Variants in ADGRV1 observed in about 807,000 individuals in gnomAD.
ADGRV1 encodes adhesion G protein-coupled receptor V1.
Under a neutral mutation model 596.2 loss-of-function variants are expected in ADGRV1, and 359 were observed. The observed-to-expected ratio is 0.60, with a 90% CI of 0.55 to 0.66. ADGRV1 has a LOEUF of 0.66. Ranked by LOEUF, ADGRV1 falls within the 30% of genes least tolerant of loss-of-function variation. The probability of loss-of-function intolerance (pLI) is 0.00; values close to 1 mark genes in which losing one functional copy is unlikely to be tolerated. For missense variants in ADGRV1, 7,274 were observed against 7,575.6 expected (o/e 0.96, Z 1.48); for synonymous variants, 2,681 against 2,679.2 (o/e 1.00, Z -0.02).
chr5:90,623,712 C>G (rs1240783830), intron 5 of ADGRV1, among the ~76,000 whole-genome samples: 1 of 152,144 alleles, frequency 6.6e-6, no homozygotes, highest in East Asian at 1.9e-4. Flanking sequence ...CATGCCTTCC[C>G]CCTGCCCCCC....
chr5:90,943,488 C>A (rs1269059051), intron 83 of ADGRV1, among the ~76,000 whole-genome samples: 2 of 152,138 alleles, frequency 1.3e-5, no homozygotes, highest in Non-Finnish European at 2.9e-5. Flanking sequence ...TGACCCTCAC[C>A]TTCTTGTCCT....
At chr5:91,031,461 G>A (rs1784476843) in intron 85 of ADGRV1, among the ~76,000 whole-genome samples, 1 of 152,122 alleles carries the variant, frequency 6.6e-6, no homozygotes, top group African/African-American at 2.4e-5. Context: ...GAATAATCTG[G>A]TGGCTTTGGC....
At chr5:90,813,132 C>CAAAACAAAAA (rs1762589976) in intron 74 of ADGRV1, among the ~76,000 whole-genome samples, 1 of 34,914 alleles carries the variant, frequency 2.9e-5, no homozygotes, top group Non-Finnish European at 5.4e-5. Context: ...GACTCCGTCT[C>CAAAACAAAAA]AAAAAAAAAA....
At chr5:90,737,014 C>G (rs951235336) in intron 50 of ADGRV1, among the ~76,000 whole-genome samples, 1 of 149,312 alleles carries the variant, frequency 6.7e-6, no homozygotes, top group Non-Finnish European at 1.5e-5. Context: ...TTAGTTTGTT[C>G]TTTTTCTATT....
intron 87 of ADGRV1, among the ~76,000 whole-genome samples, chr5:91,121,223 G>C (rs1279995764): frequency 6.6e-6 from 1 of 152,026 alleles, no homozygotes; most frequent in Non-Finnish European, 1.5e-5. Context: ...GAGTATAGGG[G>C]AACACTATTT....
chr5:90,917,271 A>T (rs925977003), intron 83 of ADGRV1, among the ~76,000 whole-genome samples: 5 of 152,218 alleles, frequency 3.3e-5, no homozygotes, highest in Admixed American at 2.6e-4. Flanking sequence ...AAAATGCCAC[A>T]AATAGCTATG....
intron 21 of ADGRV1, among the ~76,000 whole-genome samples, chr5:90,665,756 T>C (rs1771239820): frequency 6.7e-6 from 1 of 150,190 alleles, no homozygotes; most frequent in African/African-American, 2.5e-5. Flanking sequence ...CATTTAGTGC[T>C]ATAAATTTCC....
intron 86 of ADGRV1, among the ~76,000 whole-genome samples, chr5:91,085,462 C>G (rs925199283): frequency 6.6e-6 from 1 of 152,136 alleles, no homozygotes; most frequent in South Asian, 2.1e-4. Context: ...TTCTACTGCC[C>G]TGAAGTCTGT....
At position 90,653,349 on chromosome 5, in the gene ADGRV1, T is replaced by A. The variant is rs376900429; in HGVS notation, c.3775T>A (p.Ser1259Thr). The A allele has an allele frequency of 1.6e-5, 26 of 1,613,858 alleles. No homozygotes were observed. The highest frequency in any genetic ancestry group is 2.2e-5 in the Non-Finnish European group (26 of 1,179,882). ...GAGAGAAGTGGCAGAAGATGTCCTG[T>A]CTGAAGATGATATGTCTTATATTAC... The part of the protein sequence containing the change: ...LEREVAEDVL[S>T]EDDMSYITNF... The change falls in exon 20 of 90, where the codon TCT becomes ACT. Residue 1259 changes from serine (S) to threonine (T), a missense_variant. Around this residue, in one of 5 missense-constraint regions of ADGRV1, gnomAD observed 1,715 missense variants for 1,708.8 expected, o/e 1.00. Transcript: ENST00000405460.
chr5:90,860,693 G>C (rs1767466482), intron 82 of ADGRV1, among the ~76,000 whole-genome samples: 1 of 150,426 alleles, frequency 6.6e-6, no homozygotes, highest in African/African-American at 2.4e-5. Context: ...CATTATTTTT[G>C]CACCAATCTA....
intron 87 of ADGRV1, among the ~76,000 whole-genome samples, chr5:91,129,725 T>TA (rs1426959964): frequency 2.6e-5 from 4 of 152,190 alleles, no homozygotes; most frequent in African/African-American, 4.8e-5. Flanking sequence ...TTTCAACTAT[T>TA]AAAAAAAATC....
chr5:90,771,422 A>T (rs1262384033), intron 59 of ADGRV1, among the ~76,000 whole-genome samples: 1 of 152,220 alleles, frequency 6.6e-6, no homozygotes, highest in Non-Finnish European at 1.5e-5. Context: ...GGCTTAATCT[A>T]AACAAAGGCT....
At chr5:90,670,700 A>G (rs1276629201) in intron 21 of ADGRV1, among the ~76,000 whole-genome samples, 1 of 152,076 alleles carries the variant, frequency 6.6e-6, no homozygotes, top group Non-Finnish European at 1.5e-5. Context: ...CTGATGTAGC[A>G]ACTGGTGGTT....
chr5:90,629,040 T>C (rs1002060164), intron 8 of ADGRV1, 170 bp from the exon 9 acceptor site: 1 of 653,462 alleles, frequency 1.5e-6, no homozygotes, highest in African/African-American at 1.8e-5. Flanking sequence ...TTTAGGAATA[T>C]TTCCAAATCT....
chr5:90,783,471 G>C (rs183795701), intron 66 of ADGRV1, 146 bp downstream of exon 66: 1 of 650,944 alleles, frequency 1.5e-6, no homozygotes, highest in South Asian at 1.9e-5. Flanking sequence ...GGTACTAGGG[G>C]TAGGGAAAGA....
intron 85 of ADGRV1, among the ~76,000 whole-genome samples, chr5:91,036,121 G>A (rs926916010): frequency 1.3e-5 from 2 of 151,856 alleles, no homozygotes; most frequent in Non-Finnish European, 2.9e-5. Context: ...ACATAAGGAG[G>A]TAAGGCATGT....
chr5:90,671,570 G>T (rs770029517), intron 21 of ADGRV1, among the ~76,000 whole-genome samples: 1 of 152,174 alleles, frequency 6.6e-6, no homozygotes, highest in Non-Finnish European at 1.5e-5. Flanking sequence ...GACTATTGTC[G>T]GTTTGTAGAC....
At chr5:90,569,372 TATATATATATATATA>T (rs1479599845) in intron 1 of ADGRV1, among the ~76,000 whole-genome samples, 17 of 26,460 alleles carry the variant, frequency 6.4e-4, no homozygotes, top group African/African-American at 2.4e-3. Context: ...TATATATATA[TATATATATATATATA>T]TTTTTTTTTT....
intron 85 of ADGRV1, among the ~76,000 whole-genome samples, chr5:90,998,178 C>T (rs181812160): frequency 1.8e-4 from 27 of 152,252 alleles, no homozygotes; most frequent in African/African-American, 5.8e-4. Flanking sequence ...AAGCTTCTAC[C>T]AACCTGAGTT....
Sources: gnomAD v4.1 joint callset for allele counts (sites outside exome capture counted in the v4.1 genomes callset) on GRCh38, gnomAD v4.1.1 for gene constraint, gnomAD v4.1.1 regional missense constraint, MANE v1.5 for transcripts, NCBI Gene and HGNC (gene_info 2026-07-23, HGNC 2026-07-21) for gene names.